Variants in SETD5 observed in about 807,000 individuals in gnomAD.
The protein encoded by SETD5 is SET domain containing 5, also known as histone-lysine N-methyltransferase SETD5.
A neutral mutation model predicts 153.3 loss-of-function variants in SETD5; 44 were observed. The ratio of observed to expected loss-of-function variants is 0.29; its 90% CI spans 0.23 to 0.37. The LOEUF (loss-of-function observed/expected upper bound fraction) is 0.37. Among genes scored for constraint, SETD5 ranks in the 10% least tolerant of loss-of-function variants. The probability of loss-of-function intolerance (pLI) is 1.00; values close to 1 mark genes in which losing one functional copy is unlikely to be tolerated. For missense variants in SETD5, 1,544 were observed against 1,768.0 expected, an observed-to-expected ratio of 0.87 and a Z score of 2.27; for synonymous variants, 716 against 645.2, an observed-to-expected ratio of 1.11 and a Z score of -1.66.
chr3:9,400,519 GC>G, intron 1 of SETD5, among the ~76,000 whole-genome samples: 1 of 152,224 alleles, frequency 6.6e-6, no homozygotes, highest in African/African-American at 2.4e-5. Flanking sequence ...TAGACGATTT[GC>G]TAAACATTTT....
At chr3:9,435,602 C>T (rs2040477055) in intron 6 of SETD5, 126 bp from the exon 7 acceptor site, 1 of 809,828 alleles carries the variant, frequency 1.2e-6, no homozygotes, top group Non-Finnish European at 1.8e-6. Context: ...CGTTGCTTTA[C>T]AGATGATAAG....
At chr3:9,440,264 A>G (rs1268134671) in intron 7 of SETD5, among the ~76,000 whole-genome samples, 192 bp from the exon 8 acceptor site, 1 of 152,204 alleles carries the variant, frequency 6.6e-6, no homozygotes, top group Non-Finnish European at 1.5e-5. Context: ...AAGTTATTCA[A>G]GGTCTCACCT....
chr3:9,455,325 C>T (rs763180231), intron 17 of SETD5, among the ~76,000 whole-genome samples: 6 of 151,620 alleles, frequency 4.0e-5, no homozygotes, highest in South Asian at 2.1e-4. Flanking sequence ...AGGCTAGTCT[C>T]GAACTCCTGA....
At chr3:9,403,222 A>G (rs2035099763) in intron 1 of SETD5, among the ~76,000 whole-genome samples, 1 of 152,190 alleles carries the variant, frequency 6.6e-6, no homozygotes, top group African/African-American at 2.4e-5. Flanking sequence ...TACATTTCAG[A>G]ATATCTTGTA....
intron 1 of SETD5, among the ~76,000 whole-genome samples, chr3:9,408,101 C>G (rs1484612144): frequency 1.3e-5 from 2 of 152,152 alleles, no homozygotes; most frequent in African/African-American, 4.8e-5. Flanking sequence ...AGTAATAGCA[C>G]CCGTTTCACT....
At chr3:9,405,652 T>C (rs2035532667) in intron 1 of SETD5, among the ~76,000 whole-genome samples, 1 of 152,218 alleles carries the variant, frequency 6.6e-6, no homozygotes, top group East Asian at 1.9e-4. Flanking sequence ...GTAAGATGAT[T>C]GTTTCATCAT....
chr3:9,415,978 T>G (rs1430837028), intron 1 of SETD5, among the ~76,000 whole-genome samples: 1 of 151,950 alleles, frequency 6.6e-6, no homozygotes, highest in African/African-American at 2.4e-5. Flanking sequence ...GCTCAAGCCA[T>G]CCTCCCACCT....
chr3:9,419,122 C>G (rs534345127), intron 1 of SETD5, among the ~76,000 whole-genome samples: 51 of 152,282 alleles, frequency 3.3e-4, no homozygotes, highest in African/African-American at 1.2e-3. Context: ...CCACCACACC[C>G]GGCCCACTTA....
Position 9,432,278 on chromosome 3 carries a change from C to G in SETD5, c.72-1567C>G, listed in dbSNP as rs146257157. On this transcript the variant is annotated intron_variant, in intron 3 of 22. Coordinates refer to ENST00000402198, the MANE Select transcript of SETD5 (RefSeq NM_001080517.3). ...GTTCTTCACTTAGAAATTTCCTTTG[C>G]TGTTATTAATAAGATCCTTTCTCAC... 1.2e-3 allele frequency: 1,224 copies of G among 984,878 alleles called. 22 individuals carry two copies. The African/African-American group carries it at 0.019, about 15-fold the overall frequency. 61.0% of individuals were successfully genotyped at this position (984,878 alleles called of 1,614,324 possible). A position where few individuals can be genotyped will look rare whatever the true frequency, so the allele number is the denominator to read the frequency against.
chr3:9,423,750 T>C lies in SETD5; in HGVS notation c.-176-717T>C, dbSNP rs371111434. On this transcript the variant is annotated intron_variant, in intron 1 of 22. Coordinates refer to ENST00000402198, the MANE Select transcript of SETD5 (RefSeq NM_001080517.3). ...TGGTAACTGGAATCCTATGAATAGC[T>C]CTTTTCATGTTTATGATATGTTAAT... is the stretch of plus-strand genomic sequence containing the variant. 1.2e-4 allele frequency among the ~76,000 whole-genome samples: 19 copies of C among 152,328 alleles called. No individual in the cohort carries two copies. The East Asian group carries it at 3.7e-3, about 29-fold the overall frequency.
chr3:9,409,454 G>A (rs1263330776), intron 1 of SETD5, among the ~76,000 whole-genome samples: 3 of 152,146 alleles, frequency 2.0e-5, no homozygotes, highest in African/African-American at 7.2e-5. Context: ...GTCTCTGGCA[G>A]TTACTATTTT....
intron 2 of SETD5, among the ~76,000 whole-genome samples, chr3:9,425,306 C>T (rs1016545305): frequency 1.2e-4 from 18 of 151,822 alleles, no homozygotes; most frequent in Non-Finnish European, 7.4e-5. Flanking sequence ...TCAGGTGATC[C>T]GCCCACCTCA....
Position 9,476,040 on chromosome 3 carries a change from A to T in SETD5, c.4278A>T (p.Arg1426=). 1 of 1,612,796 alleles carries T rather than the reference A, an allele frequency of 6.2e-7. No individual in the cohort carries two copies. The highest frequency in any genetic ancestry group is 1.1e-5 in the South Asian group (1 of 91,042). The change falls in exon 23 of 23, where the codon CGA becomes CGT. Residue 1426 remains arginine (R), a synonymous_variant. Transcript: ENST00000402198. ...HRGSGGVHQY[R]LQPLQGSGVK... Reference sequence around the variant, plus strand: ...GGAGTGGGGGTGTGCACCAGTACCGACTCCAGCCACTGCAAGGGTCAGGAG... The same window carrying T: ...GGAGTGGGGGTGTGCACCAGTACCGTCTCCAGCCACTGCAAGGGTCAGGAG...
At chr3:9,474,376 T>C (rs2125617542) in intron 20 of SETD5, 73 bp from the exon 21 acceptor site, 2 of 1,524,308 alleles carry the variant, frequency 1.3e-6, no homozygotes, top group South Asian at 1.2e-5. Flanking sequence ...GAAAATACAC[T>C]GTGCACTGGT....
At chr3:9,409,133 G>C (rs1469720027) in intron 1 of SETD5, among the ~76,000 whole-genome samples, 1 of 152,036 alleles carries the variant, frequency 6.6e-6, no homozygotes, top group Non-Finnish European at 1.5e-5. Flanking sequence ...ATAACCCTCT[G>C]ACAGAATCTA....
At chr3:9,452,021 A>G (rs574067105) in intron 16 of SETD5, among the ~76,000 whole-genome samples, 4 of 152,292 alleles carry the variant, frequency 2.6e-5, no homozygotes, top group African/African-American at 7.2e-5. Context: ...CCTTTTTTAT[A>G]TGAGTCCTGA....
At chr3:9,407,236 A>C (rs2035842213) in intron 1 of SETD5, among the ~76,000 whole-genome samples, 1 of 152,004 alleles carries the variant, frequency 6.6e-6, no homozygotes, top group African/African-American at 2.4e-5. Context: ...GCTGAGGCAT[A>C]AGAATTGCTT....
intron 1 of SETD5, among the ~76,000 whole-genome samples, chr3:9,415,236 G>C (rs1178961941): frequency 6.6e-6 from 1 of 152,172 alleles, no homozygotes; most frequent in African/African-American, 2.4e-5. Flanking sequence ...TTAATGACAT[G>C]AGCATTTTGG....
intron 19 of SETD5, among the ~76,000 whole-genome samples, 175 bp from the exon 20 acceptor site, chr3:9,473,061 A>C (rs1367644511): frequency 6.6e-6 from 1 of 152,162 alleles, no homozygotes; most frequent in Non-Finnish European, 1.5e-5. Flanking sequence ...AGCTGTGCTC[A>C]GATCTCTTTC....
Sources: gnomAD v4.1 joint callset for allele counts (sites outside exome capture counted in the v4.1 genomes callset) on GRCh38, gnomAD v4.1.1 for gene constraint, MANE v1.5 for transcripts, NCBI Gene and HGNC (gene_info 2026-07-23, HGNC 2026-07-21) for gene names.